TOP6BL: variants seen among roughly 807,000 people sequenced by gnomAD.
TOP6BL encodes the protein type 2 DNA topoisomerase 6 subunit B-like.
At chr11:66,843,083 G>A in the TOP6BL span, 1 of 1,582,708 alleles carries the variant, frequency 6.3e-7, no homozygotes, top group Middle Eastern at 1.9e-4. Flanking sequence ...ACTGGGCGAG[G>A]GCCGCGCAGG....
At chr11:66,838,349 A>C in the TOP6BL span, 1 of 1,611,002 alleles carries the variant, frequency 6.2e-7, no homozygotes, top group Admixed American at 1.7e-5. Context: ...CTCACTTAGG[A>C]CTTCTAATTT....
the TOP6BL span, among the ~76,000 whole-genome samples, chr11:66,768,124 G>A: frequency 6.6e-6 from 1 of 152,074 alleles, no homozygotes; most frequent in Non-Finnish European, 1.5e-5. Flanking sequence ...TGTCCTCTTT[G>A]TTAATTTGTT....
chr11:66,797,377 CT>C, the TOP6BL span, among the ~76,000 whole-genome samples: 4 of 152,094 alleles, frequency 2.6e-5, no homozygotes, highest in African/African-American at 4.8e-5. Flanking sequence ...GTTATTTTCA[CT>C]TTTTTTTATT....
the TOP6BL span, among the ~76,000 whole-genome samples, chr11:66,827,380 A>T: frequency 6.6e-6 from 1 of 152,222 alleles, no homozygotes; most frequent in South Asian, 2.1e-4. Context: ...CAATTTTCTC[A>T]TCCATAAAAT....
At chr11:66,744,772 G>A in the TOP6BL span, 1 of 1,226,018 alleles carries the variant, frequency 8.2e-7, no homozygotes, top group Non-Finnish European at 1.0e-6. Flanking sequence ...CGTGGGCGTG[G>A]ACTCGGGCGT....
At chr11:66,760,282 A>G in the TOP6BL span, among the ~76,000 whole-genome samples, 1 of 150,172 alleles carries the variant, frequency 6.7e-6, no homozygotes. Flanking sequence ...CATCTCTACT[A>G]AAAATACAAA....
At chr11:66,804,305 A>G in the TOP6BL span, 1 of 931,662 alleles carries the variant, frequency 1.1e-6, no homozygotes, top group Non-Finnish European at 1.5e-6. Context: ...TATGATTTGT[A>G]TAAAAACATA....
chr11:66,757,808 G>A, the TOP6BL span, among the ~76,000 whole-genome samples: 3 of 152,012 alleles, frequency 2.0e-5, no homozygotes, highest in South Asian at 6.2e-4. Flanking sequence ...GGCTGGTCTC[G>A]AACTCCTGAC....
chr11:66,774,411 CCTT>C, the TOP6BL span, among the ~76,000 whole-genome samples: 1 of 151,976 alleles, frequency 6.6e-6, no homozygotes, highest in Non-Finnish European at 1.5e-5. Context: ...AATCTCTCCT[CCTT>C]GTTTTTCTTT....
chr11:66,834,978 G>T, the TOP6BL span, among the ~76,000 whole-genome samples: 5 of 147,400 alleles, frequency 3.4e-5, no homozygotes, highest in East Asian at 2.1e-4. Flanking sequence ...GAATGAGCAG[G>T]AGTAGTATCA....
chr11:66,783,556 A>G, the TOP6BL span, among the ~76,000 whole-genome samples: 1 of 151,692 alleles, frequency 6.6e-6, no homozygotes, highest in Non-Finnish European at 1.5e-5. Context: ...TATCCTTGTT[A>G]TTTTGGGTTT....
chr11:66,838,523 T>C, the TOP6BL span: 6 of 1,325,662 alleles, frequency 4.5e-6, no homozygotes, highest in Non-Finnish European at 5.4e-6. Flanking sequence ...TTTCAAACTA[T>C]TCCACTGTAC....
chr11:66,780,524 A>C, the TOP6BL span, among the ~76,000 whole-genome samples: 3 of 152,078 alleles, frequency 2.0e-5, no homozygotes, highest in African/African-American at 7.2e-5. Context: ...CTCCTTTTCA[A>C]CATTTTGAAA....
chr11:66,793,511 T>C, the TOP6BL span, among the ~76,000 whole-genome samples: 35,943 of 147,254 alleles, frequency 0.24, 4,487 homozygotes, highest in Middle Eastern at 0.32. Context: ...AGTGGTGTGA[T>C]CTTGGCTCAC....
chr11:66,843,309 G>T, the TOP6BL span: 84 of 1,552,558 alleles, frequency 5.4e-5, no homozygotes, highest in Non-Finnish European at 7.2e-5. Context: ...TAATAAAGCT[G>T]CCGCGCGCTC....
chr11:66,827,991 AAAG>A, the TOP6BL span, among the ~76,000 whole-genome samples: 1 of 150,866 alleles, frequency 6.6e-6, no homozygotes, highest in South Asian at 2.1e-4. Context: ...AAAAAAAAAA[AAAG>A]AGAGATGGGA....
the TOP6BL span, among the ~76,000 whole-genome samples, chr11:66,759,376 TTCTGTATA>T: frequency 1.3e-5 from 2 of 152,214 alleles, no homozygotes; most frequent in Non-Finnish European, 2.9e-5. Context: ...ACTGTAGCTT[TTCTGTATA>T]CTCTGTATAC....
At chr11:66,823,027 G>A in the TOP6BL span, among the ~76,000 whole-genome samples, 10 of 151,784 alleles carry the variant, frequency 6.6e-5, no homozygotes, top group African/African-American at 1.7e-4. Context: ...CAGGGCAGTG[G>A]CTCATGCCTG....
the TOP6BL span, among the ~76,000 whole-genome samples, chr11:66,750,920 G>T: frequency 6.6e-6 from 1 of 151,654 alleles, no homozygotes; most frequent in Non-Finnish European, 1.5e-5. Flanking sequence ...GCCCAGGCTG[G>T]TCTGAAACCC....
Sources: allele counts gnomAD v4.1 joint callset (sites outside exome capture counted in the v4.1 genomes callset), GRCh38; gene constraint gnomAD v4.1.1; transcripts MANE v1.5; gene names NCBI Gene and HGNC (gene_info 2026-07-23, HGNC 2026-07-21).